ROBO2: variants seen among roughly 807,000 people sequenced by gnomAD.
The protein encoded by ROBO2 is roundabout homolog 2.
Under a neutral mutation model 160.8 loss-of-function variants are expected in ROBO2, and 53 were observed. The ratio of observed to expected loss-of-function variants is 0.33; its 90% CI spans 0.26 to 0.41. The LOEUF is 0.41. Among genes scored for constraint, ROBO2 ranks in the 10% least tolerant of loss-of-function variants. ROBO2 has a pLI of 1.00. For missense variants in ROBO2, 1,577 were observed against 1,722.4 expected (o/e 0.92, Z 1.49); for synonymous variants, 664 against 611.7 (o/e 1.09, Z -1.26).
intron 2 of ROBO2, among the ~76,000 whole-genome samples, chr3:76,043,577 G>T (rs550611467): frequency 8.4e-6 from 1 of 119,442 alleles, no homozygotes; most frequent in Non-Finnish European, 1.6e-5. Context: ...GATGATGGAA[G>T]CCTGAAATGC....
intron 2 of ROBO2, among the ~76,000 whole-genome samples, chr3:77,300,691 C>G (rs1052829891): frequency 6.6e-6 from 1 of 151,870 alleles, no homozygotes; most frequent in Non-Finnish European, 1.5e-5. Flanking sequence ...CTTTTACTTT[C>G]TCACTATCTC....
chr3:77,428,319 C>G (rs1470549468), intron 2 of ROBO2, among the ~76,000 whole-genome samples: 6 of 145,852 alleles, frequency 4.1e-5, no homozygotes. Flanking sequence ...TTGAGGCATT[C>G]ACAGCAAAAC....
At chr3:76,695,007 G>A (rs2092897563) in intron 2 of ROBO2, among the ~76,000 whole-genome samples, 1 of 152,150 alleles carries the variant, frequency 6.6e-6, no homozygotes, top group Non-Finnish European at 1.5e-5. Context: ...AGGAGGCTGA[G>A]GCAGGAGAAT....
At chr3:77,426,474 A>T (rs1032735115) in intron 2 of ROBO2, among the ~76,000 whole-genome samples, 2 of 152,042 alleles carry the variant, frequency 1.3e-5, no homozygotes, top group Non-Finnish European at 2.9e-5. Context: ...GGTAACAGAT[A>T]AGGATTTGAA....
At chr3:77,001,067 A>T (rs899693839) in intron 2 of ROBO2, among the ~76,000 whole-genome samples, 2 of 152,194 alleles carry the variant, frequency 1.3e-5, no homozygotes, top group African/African-American at 4.8e-5. Context: ...TACAAGCACC[A>T]ACTCTAAAAC....
chr3:77,216,214 TG>T (rs933024923), intron 2 of ROBO2, among the ~76,000 whole-genome samples: 1 of 152,170 alleles, frequency 6.6e-6, no homozygotes, highest in African/African-American at 2.4e-5. Flanking sequence ...TGAGCTACAG[TG>T]GGCTCCACGC....
At chr3:76,907,025 A>AT (rs148444218) in intron 2 of ROBO2, among the ~76,000 whole-genome samples, 8 of 151,486 alleles carry the variant, frequency 5.3e-5, no homozygotes, top group Non-Finnish European at 1.0e-4. Flanking sequence ...AGAAGACAGC[A>AT]TTTTTTTTTA....
chr3:77,037,702 G>A (rs796178544), upstream of ROBO2, among the ~76,000 whole-genome samples: 3 of 152,232 alleles, frequency 2.0e-5, no homozygotes, highest in African/African-American at 7.2e-5. Flanking sequence ...GTTTACTTAA[G>A]GAAAGGCATT....
chr3:76,520,308 G>A (rs554734871), intron 2 of ROBO2, among the ~76,000 whole-genome samples: 158 of 152,156 alleles, frequency 1.0e-3, no homozygotes, highest in African/African-American at 3.6e-3. Context: ...AAAATTAGCC[G>A]GGCGTGGTGG....
rs528894893 is a variant in ROBO2 at position 77,367,971 on chromosome 3, C to G, written c.389-109443C>G. On this transcript the variant is annotated intron_variant, in intron 2 of 25. Coordinates refer to ENST00000461745, the Ensembl canonical transcript of ROBO2. The stretch of plus-strand genomic sequence containing the variant: ...ATTTTCTTCCATCTAAGAATTTTAA[C>G]TTATGAAATTATAGGAGACAAGAAG... 2.6e-5 allele frequency among the ~76,000 whole-genome samples: 4 copies of G among 152,222 alleles called. No individual in the cohort carries two copies. The East Asian group carries it at 5.8e-4, about 22-fold the overall frequency.
At chr3:76,964,507 T>A (rs1295243880) in intron 2 of ROBO2, among the ~76,000 whole-genome samples, 1 of 152,130 alleles carries the variant, frequency 6.6e-6, no homozygotes, top group Admixed American at 6.5e-5. Context: ...CATGCCCGGC[T>A]AATTTTTTGT....
At chr3:76,313,657 C>A (rs1017399864) in intron 2 of ROBO2, among the ~76,000 whole-genome samples, 1 of 152,080 alleles carries the variant, frequency 6.6e-6, no homozygotes, top group Non-Finnish European at 1.5e-5. Flanking sequence ...AGCTTACCTG[C>A]GTACAAAACA....
At chr3:76,215,275 C>G (rs551012049) in intron 2 of ROBO2, among the ~76,000 whole-genome samples, 65 of 152,300 alleles carry the variant, frequency 4.3e-4, no homozygotes, top group Admixed American at 3.9e-3. Context: ...CAAAGGAATG[C>G]AGCTCATCAC....
chr3:77,554,242 T>C (rs1157186942), intron 8 of ROBO2, among the ~76,000 whole-genome samples: 1 of 151,644 alleles, frequency 6.6e-6, no homozygotes, highest in African/African-American at 2.4e-5. Context: ...TTAAGTACAG[T>C]GTTGAGATCT....
chr3:75,909,967 A>G (rs1028075813), intron 1 of ROBO2, among the ~76,000 whole-genome samples: 8 of 152,324 alleles, frequency 5.3e-5, no homozygotes, highest in African/African-American at 1.4e-4. Flanking sequence ...TAGTTATGCC[A>G]TGTAGTGAGA....
intron 2 of ROBO2, among the ~76,000 whole-genome samples, chr3:76,562,454 TC>T (rs1286345076): frequency 6.6e-6 from 1 of 151,748 alleles, no homozygotes; most frequent in East Asian, 2.0e-4. Context: ...TCTCTCTCTC[TC>T]TCTCTCTCTC....
At chr3:76,150,464 A>C (rs906971515) in intron 2 of ROBO2, among the ~76,000 whole-genome samples, 2 of 151,956 alleles carry the variant, frequency 1.3e-5, no homozygotes, top group South Asian at 2.1e-4. Context: ...ATCTGTCTAA[A>C]ACACACATAT....
intron 2 of ROBO2, among the ~76,000 whole-genome samples, chr3:76,164,231 C>T (rs757143473): frequency 2.0e-5 from 3 of 152,172 alleles, no homozygotes; most frequent in Non-Finnish European, 4.4e-5. Context: ...ACTTCTAACT[C>T]TAGTTTTCTT....
chr3:76,493,306 G>A (rs2107548268), intron 2 of ROBO2, among the ~76,000 whole-genome samples: 1 of 129,030 alleles, frequency 7.8e-6, no homozygotes, highest in Non-Finnish European at 1.6e-5. Context: ...ACATATCTTA[G>A]CACTTGAACC....
Sources: gnomAD v4.1 joint callset for allele counts (sites outside exome capture counted in the v4.1 genomes callset) on GRCh38, gnomAD v4.1.1 for gene constraint, MANE v1.5 for transcripts, NCBI Gene and HGNC (gene_info 2026-07-23, HGNC 2026-07-21) for gene names.